The following SPOCK1 variants were observed in gnomAD, a reference collection of about 807,000 sequenced individuals.
The protein encoded by SPOCK1 is testican-1.
In SPOCK1, 23 loss-of-function variants were observed where a neutral mutation model predicts 55.3. The observed-to-expected ratio is 0.42, with a 90% CI of 0.30 to 0.59. SPOCK1 has a LOEUF of 0.59. Among genes scored for constraint, SPOCK1 ranks in the 20% least tolerant of loss-of-function variants. The pLI, the probability that SPOCK1 is intolerant of heterozygous loss-of-function variation, is 0.22. For synonymous variants in SPOCK1, 226 were observed against 221.0 expected (o/e 1.02, Z -0.20); for missense variants, 499 against 552.5 (o/e 0.90, Z 0.97).
chr5:137,090,843 G>A (rs1318064108), intron 5 of SPOCK1, among the ~76,000 whole-genome samples: 5 of 152,076 alleles, frequency 3.3e-5, no homozygotes, highest in African/African-American at 7.2e-5. Context: ...CTCCTGAGAC[G>A]CTCAGGCACC....
intron 6 of SPOCK1, among the ~76,000 whole-genome samples, chr5:137,058,771 G>A (rs1268301490): frequency 6.6e-6 from 1 of 152,176 alleles, no homozygotes; most frequent in East Asian, 1.9e-4. Flanking sequence ...GTGGCCCCAT[G>A]GATGTCTGGG....
intron 2 of SPOCK1, among the ~76,000 whole-genome samples, chr5:137,378,458 C>T (rs1751378507): frequency 6.6e-6 from 1 of 152,234 alleles, no homozygotes; most frequent in African/African-American, 2.4e-5. Context: ...TGAAAAACCA[C>T]CTTGAAGGTT....
intron 2 of SPOCK1, among the ~76,000 whole-genome samples, chr5:137,472,435 T>C (rs1753755375): frequency 6.6e-6 from 1 of 151,724 alleles, no homozygotes; most frequent in Non-Finnish European, 1.5e-5. Flanking sequence ...GTTTTTCCTA[T>C]CAGGACAAAA....
At chr5:137,303,741 C>A (rs1351959389) in intron 2 of SPOCK1, among the ~76,000 whole-genome samples, 2 of 152,164 alleles carry the variant, frequency 1.3e-5, no homozygotes, top group Non-Finnish European at 2.9e-5. Context: ...GAGTGGGCTC[C>A]TGAAGCAGGT....
intron 2 of SPOCK1, among the ~76,000 whole-genome samples, chr5:137,497,484 A>G (rs1430281132): frequency 3.3e-5 from 5 of 152,226 alleles, no homozygotes; most frequent in African/African-American, 4.8e-5. Context: ...CTAGAAGGGC[A>G]TGGCCCTGGC....
intron 3 of SPOCK1, among the ~76,000 whole-genome samples, chr5:137,264,446 C>T (rs148230490): frequency 5.5e-4 from 83 of 151,826 alleles, no homozygotes; most frequent in African/African-American, 2.0e-3. Flanking sequence ...GCTGGGCCTT[C>T]CTTCCCCTCC....
intron 2 of SPOCK1, among the ~76,000 whole-genome samples, chr5:137,359,949 C>A (rs1399079213): frequency 1.3e-5 from 2 of 152,202 alleles, no homozygotes; most frequent in East Asian, 3.9e-4. Context: ...AAATGTACTA[C>A]TAAATCCCCA....
chr5:137,086,962 T>G (rs1561604321), intron 5 of SPOCK1, among the ~76,000 whole-genome samples: 1 of 152,128 alleles, frequency 6.6e-6, no homozygotes, highest in Non-Finnish European at 1.5e-5. Flanking sequence ...TTGCCCAAGG[T>G]CACCGGGATA....
intron 5 of SPOCK1, among the ~76,000 whole-genome samples, chr5:137,072,469 G>A (rs914618590): frequency 6.6e-6 from 1 of 152,142 alleles, no homozygotes; most frequent in Non-Finnish European, 1.5e-5. Flanking sequence ...ATGACGACAT[G>A]AACAGGCAGA....
chr5:137,169,146 A>G (rs1754701432), intron 3 of SPOCK1, among the ~76,000 whole-genome samples: 1 of 152,044 alleles, frequency 6.6e-6, no homozygotes, highest in Non-Finnish European at 1.5e-5. Flanking sequence ...AATTGAATGT[A>G]TGGATATAGA....
At chr5:137,391,269 A>T (rs975863425) in intron 2 of SPOCK1, among the ~76,000 whole-genome samples, 4 of 152,148 alleles carry the variant, frequency 2.6e-5, no homozygotes, top group Non-Finnish European at 5.9e-5. Context: ...CATTATGCAT[A>T]TGTGCCACAT....
At position 136,994,108 on chromosome 5, in the gene SPOCK1, C is replaced by A. The variant is rs139917143; in HGVS notation, c.590-1508G>T. Among the ~76,000 whole-genome samples, 1,308 of 152,286 alleles carry A rather than the reference C, an allele frequency of 8.6e-3. 11 individuals are homozygous for A. Among genetic ancestry groups the A allele is most frequent in the Middle Eastern group, 0.017 (5 of 294 alleles). The stretch of plus-strand genomic sequence containing the variant: ...TGACCAGGCCCTGACTGGGTCTCTG[C>A]AACCTGGGGACTCTCATTTACGACG... On this transcript the variant is annotated intron_variant, in intron 6 of 10. Transcript: ENST00000394945.
chr5:137,312,944 C>T (rs1757815052), intron 2 of SPOCK1, among the ~76,000 whole-genome samples: 1 of 110,640 alleles, frequency 9.0e-6, no homozygotes. Context: ...TACCATCAGG[C>T]CACAGTCAAC....
At chr5:137,294,198 C>G (rs564130439) in intron 2 of SPOCK1, among the ~76,000 whole-genome samples, 2 of 152,124 alleles carry the variant, frequency 1.3e-5, no homozygotes, top group Non-Finnish European at 2.9e-5. Context: ...CCATATGGTA[C>G]TAGATGAAAC....
At chr5:136,994,611 C>T (rs1458298061) in intron 6 of SPOCK1, among the ~76,000 whole-genome samples, 1 of 151,526 alleles carries the variant, frequency 6.6e-6, no homozygotes, top group Non-Finnish European at 1.5e-5. Context: ...TCACAGCATT[C>T]AGAAAGCCAA....
At chr5:137,150,093 C>A (rs888160985) in intron 3 of SPOCK1, among the ~76,000 whole-genome samples, 1 of 152,120 alleles carries the variant, frequency 6.6e-6, no homozygotes, top group African/African-American at 2.4e-5. Context: ...GGCAAGGGAC[C>A]CTGGACACTT....
chr5:137,385,590 C>A (rs745855297), intron 2 of SPOCK1, among the ~76,000 whole-genome samples: 27 of 152,194 alleles, frequency 1.8e-4, no homozygotes, highest in Non-Finnish European at 2.9e-4. Context: ...ACACCAACAG[C>A]CACTCCTCCT....
At chr5:137,197,074 C>T (rs1755314833) in intron 3 of SPOCK1, among the ~76,000 whole-genome samples, 1 of 152,210 alleles carries the variant, frequency 6.6e-6, no homozygotes, top group African/African-American at 2.4e-5. Flanking sequence ...TTAATCTTGA[C>T]AACACGATCA....
chr5:137,475,036 T>C (rs1311838371), intron 2 of SPOCK1, among the ~76,000 whole-genome samples: 1 of 152,164 alleles, frequency 6.6e-6, no homozygotes, highest in Non-Finnish European at 1.5e-5. Flanking sequence ...AGGGTGCCTT[T>C]ACACTGAGCT....
Sources: gnomAD v4.1 joint callset for allele counts (sites outside exome capture counted in the v4.1 genomes callset) on GRCh38, gnomAD v4.1.1 for gene constraint, MANE v1.5 for transcripts, NCBI Gene and HGNC (gene_info 2026-07-23, HGNC 2026-07-21) for gene names.